MPP7: variants seen among roughly 807,000 people sequenced by gnomAD.
The protein encoded by MPP7 is MAGUK p55 subfamily member 7.
A neutral mutation model predicts 76.5 loss-of-function variants in MPP7; 60 were observed. The ratio of observed to expected loss-of-function variants is 0.78; its 90% CI spans 0.64 to 0.97. The LOEUF is 0.97. MPP7 is among the 50% of genes least tolerant of loss of function. The pLI, the probability that MPP7 is intolerant of heterozygous loss-of-function variation, is 0.00. For synonymous variants in MPP7, 237 were observed against 244.5 expected (o/e 0.97, Z 0.29); for missense variants, 641 against 694.0 (o/e 0.92, Z 0.86).
intron 1 of MPP7, chr10:28,254,962 G>A (rs902687709): frequency 1.3e-5 from 2 of 152,186 alleles, no homozygotes; most frequent in South Asian, 2.1e-4. Context: ...TGACATAATG[G>A]TGGGGAGTAG....
At chr10:28,238,219 G>A (rs1839142946) in intron 2 of MPP7, among the ~76,000 whole-genome samples, 1 of 151,864 alleles carries the variant, frequency 6.6e-6, no homozygotes. Flanking sequence ...ACAGTTCCTA[G>A]CTGTTATACA....
intron 2 of MPP7, among the ~76,000 whole-genome samples, chr10:28,227,127 G>C (rs1564716352): frequency 6.6e-6 from 1 of 152,100 alleles, no homozygotes; most frequent in African/African-American, 2.4e-5. Flanking sequence ...TAAATATTTT[G>C]TGAGTAGTGA....
intron 11 of MPP7, among the ~76,000 whole-genome samples, chr10:28,100,998 G>A (rs1050586709): frequency 6.6e-6 from 1 of 152,052 alleles, no homozygotes; most frequent in African/African-American, 2.4e-5. Context: ...ATACAGTTAT[G>A]CATATGTAAA....
At chr10:28,252,907 T>A (rs1397993316) in intron 1 of MPP7, among the ~76,000 whole-genome samples, 2 of 151,780 alleles carry the variant, frequency 1.3e-5, no homozygotes, top group African/African-American at 4.9e-5. Flanking sequence ...CATCTGCATT[T>A]CTTTTTTTTT....
chr10:28,244,471 G>A (rs866872302), intron 1 of MPP7, among the ~76,000 whole-genome samples: 1 of 151,916 alleles, frequency 6.6e-6, no homozygotes. Context: ...AAGAAAAGAT[G>A]ATTTATACAA....
Position 28,056,463 on chromosome 10 carries a change from A to G in MPP7, c.1551+17T>C. On this transcript the variant is annotated intron_variant, in intron 16 of 16. Coordinates refer to ENST00000683449, the MANE Select transcript of MPP7 (RefSeq NM_001318170.2). ...TGTGGGCCACCACACCTGGCCCCCA[A>G]GCATCATTATACTTACTGTGAAGGG... 6.2e-7 allele frequency: 1 copy of G among 1,604,736 alleles called. No individual in the cohort carries two copies. The highest frequency in any genetic ancestry group is 8.5e-7 in the Non-Finnish European group (1 of 1,177,506).
rs1852150241 is a variant in MPP7, at chr10:28,069,806, G to A, written c.1170C>T (p.Ile390=). 2 of 1,613,882 alleles carry A rather than the reference G, an allele frequency of 1.2e-6. No homozygotes were observed. The highest frequency in any genetic ancestry group is 1.7e-5 in the Admixed American group (1 of 59,980). Residue 390 remains isoleucine, a synonymous_variant, in exon 13 of 17, where the codon ATC becomes ATT. Coordinates refer to ENST00000683449, the MANE Select transcript of MPP7 (RefSeq NM_001318170.2). ...TCACGCCATAGTGCTGGGTGTCACT[G>A]ATCAGCAGCTTTCGTTTCAGTTCAT... is the stretch of plus-strand genomic sequence containing the variant. ...GLNELKRKLL[I]SDTQHYGVTV... is the part of the protein sequence containing the mutation.
chr10:28,186,357 A>G (rs1159640928), intron 3 of MPP7, among the ~76,000 whole-genome samples: 1 of 151,790 alleles, frequency 6.6e-6, no homozygotes, highest in Non-Finnish European at 1.5e-5. Flanking sequence ...GAAAAAAAAA[A>G]AAGAGAAAGA....
At chr10:28,132,772 G>C (rs1835235347) in intron 5 of MPP7, among the ~76,000 whole-genome samples, 1 of 151,982 alleles carries the variant, frequency 6.6e-6, no homozygotes, top group African/African-American at 2.4e-5. Flanking sequence ...CTAGTTTTTT[G>C]TATTTTCAGT....
intron 6 of MPP7, among the ~76,000 whole-genome samples, chr10:28,131,263 T>C (rs1835181752): frequency 6.6e-6 from 1 of 152,170 alleles, no homozygotes; most frequent in South Asian, 2.1e-4. Context: ...ACAATAGCAA[T>C]TTTTTTAAGT....
intron 1 of MPP7, among the ~76,000 whole-genome samples, chr10:28,262,229 A>ATATATATATATGTG (rs1839996245): frequency 3.9e-5 from 2 of 51,190 alleles, no homozygotes; most frequent in Non-Finnish European, 6.2e-5. Flanking sequence ...ATATATACAT[A>ATATATATATATGTG]TATATATATA....
chr10:28,150,888 C>T (rs1282318125), intron 3 of MPP7, among the ~76,000 whole-genome samples: 1 of 152,114 alleles, frequency 6.6e-6, no homozygotes, highest in Non-Finnish European at 1.5e-5. Context: ...AAACAAAAGA[C>T]GTGTTGACAA....
intron 2 of MPP7, among the ~76,000 whole-genome samples, chr10:28,218,482 T>C (rs971754062): frequency 6.6e-6 from 1 of 152,150 alleles, no homozygotes; most frequent in East Asian, 1.9e-4. Flanking sequence ...AGGTAAAAGA[T>C]TGGCTAACTA....
At chr10:28,142,223 G>C (rs1177183397) in intron 5 of MPP7, among the ~76,000 whole-genome samples, 1 of 152,142 alleles carries the variant, frequency 6.6e-6, no homozygotes, top group African/African-American at 2.4e-5. Context: ...GAAAATGCAT[G>C]TAAGATTAAA....
intron 15 of MPP7, 81 bp downstream of exon 15, chr10:28,058,414 T>G: frequency 1.5e-6 from 1 of 659,280 alleles, no homozygotes; most frequent in Non-Finnish European, 2.4e-6. Flanking sequence ...GACTTCATAT[T>G]ATTTCATACT....
chr10:28,210,034 G>A (rs191197567), intron 2 of MPP7, among the ~76,000 whole-genome samples: 22 of 152,242 alleles, frequency 1.4e-4, no homozygotes, highest in Non-Finnish European at 3.2e-4. Context: ...CTGCCCTCAG[G>A]TATCAGGCTT....
Position 28,108,485 on chromosome 10 carries a change from T to C in MPP7, c.952+11166A>G, listed in dbSNP as rs79728694. ...GCCTGGGCAACATGGTGAAACCTCA[T>C]CTCTACCAAAAATACAAAAAAATTA... On this transcript the variant is annotated intron_variant, in intron 11 of 16. Coordinates refer to ENST00000683449, the MANE Select transcript of MPP7 (RefSeq NM_001318170.2). 2.1e-4 allele frequency among the ~76,000 whole-genome samples: 32 copies of C among 151,894 alleles called. No individual in the cohort carries two copies. In the South Asian group the frequency reaches 6.3e-3, roughly 30 times the overall value.
chr10:28,201,593 A>G (rs1289216813), intron 3 of MPP7, among the ~76,000 whole-genome samples: 1 of 151,988 alleles, frequency 6.6e-6, no homozygotes, highest in Non-Finnish European at 1.5e-5. Context: ...CTGGCTGATC[A>G]TTTTCATGGC....
intron 12 of MPP7, among the ~76,000 whole-genome samples, chr10:28,070,215 G>A (rs947449985): frequency 5.3e-5 from 8 of 152,082 alleles, no homozygotes; most frequent in African/African-American, 1.9e-4. Flanking sequence ...GGCTAACACG[G>A]TGAAACCCCA....
Sources: gnomAD v4.1 joint callset for allele counts (sites outside exome capture counted in the v4.1 genomes callset) on GRCh38, gnomAD v4.1.1 for gene constraint, MANE v1.5 for transcripts, NCBI Gene and HGNC (gene_info 2026-07-23, HGNC 2026-07-21) for gene names.